The following RNF24 variants were observed in gnomAD, a reference collection of about 807,000 sequenced individuals.
RNF24 encodes the protein ring finger protein 24.
A neutral mutation model predicts 20.0 loss-of-function variants in RNF24; 14 were observed. The observed-to-expected ratio is 0.70, with a 90% CI of 0.46 to 1.10. The LOEUF (loss-of-function observed/expected upper bound fraction) is 1.10, where lower values mean the gene tolerates loss of function less well. Among genes scored for constraint, RNF24 ranks in the 50% least tolerant of loss-of-function variants. The pLI, the probability that RNF24 is intolerant of heterozygous loss-of-function variation, is 0.00. For synonymous variants in RNF24, 45 were observed against 61.1 expected (o/e 0.74, Z 1.23); for missense variants, 124 against 177.6 (o/e 0.70, Z 1.71).
chr20:3,984,353 A>C (rs1979699586), intron 1 of RNF24, among the ~76,000 whole-genome samples: 1 of 152,132 alleles, frequency 6.6e-6, no homozygotes, highest in South Asian at 2.1e-4. Flanking sequence ...CCCAGGACCT[A>C]GTCATCCCTG....
At chr20:3,970,440 T>C (rs1178963282) in intron 1 of RNF24, among the ~76,000 whole-genome samples, 6 of 152,096 alleles carry the variant, frequency 3.9e-5, no homozygotes, top group African/African-American at 1.4e-4. Flanking sequence ...CAACTAAAAA[T>C]TACTCATCGT....
chr20:3,983,598 T>C (rs911050973), intron 1 of RNF24, among the ~76,000 whole-genome samples: 3 of 152,106 alleles, frequency 2.0e-5, no homozygotes, highest in Non-Finnish European at 4.4e-5. Flanking sequence ...CTAAACACAG[T>C]GACTTTCTGT....
At chr20:3,988,359 A>G (rs1383059938) in intron 1 of RNF24, among the ~76,000 whole-genome samples, 1 of 152,020 alleles carries the variant, frequency 6.6e-6, no homozygotes, top group African/African-American at 2.4e-5. Flanking sequence ...AATAAAAAAA[A>G]TTGGTGTGTC....
At chr20:4,011,415 A>G (rs1258973705) in intron 1 of RNF24, among the ~76,000 whole-genome samples, 1 of 152,220 alleles carries the variant, frequency 6.6e-6, no homozygotes, top group Non-Finnish European at 1.5e-5. Flanking sequence ...AAGACCTAAC[A>G]CAGGAGGAAG....
At chr20:3,970,843 C>T (rs1978322763) in intron 1 of RNF24, among the ~76,000 whole-genome samples, 2 of 151,950 alleles carry the variant, frequency 1.3e-5, no homozygotes, top group Non-Finnish European at 2.9e-5. Context: ...GTCAGGAGTT[C>T]GAGACAAGCC....
intron 1 of RNF24, among the ~76,000 whole-genome samples, chr20:3,969,478 G>A (rs1423778397): frequency 6.6e-6 from 1 of 150,712 alleles, no homozygotes; most frequent in Non-Finnish European, 1.5e-5. Flanking sequence ...TGGCAAAGTT[G>A]GCAAACAAGA....
At chr20:3,977,969 T>C (rs6139258) in intron 1 of RNF24, among the ~76,000 whole-genome samples, 5,324 of 150,866 alleles carry the variant, frequency 0.035, 251 homozygotes, top group East Asian at 0.24. Context: ...CGTACAAAAA[T>C]ACAGTTAGAC....
chr20:3,998,093 A>G (rs1427104830), intron 1 of RNF24, among the ~76,000 whole-genome samples: 1 of 152,236 alleles, frequency 6.6e-6, no homozygotes, highest in Non-Finnish European at 1.5e-5. Flanking sequence ...ATATGCAATA[A>G]TTGGTTATCC....
chr20:3,936,948 T>C (rs1232528035), intron 4 of RNF24, among the ~76,000 whole-genome samples: 1 of 152,174 alleles, frequency 6.6e-6, no homozygotes, highest in East Asian at 1.9e-4. Context: ...GTGAGTCTCC[T>C]GCCTCAGACT....
At chr20:3,986,796 G>A (rs1568653089) in intron 1 of RNF24, among the ~76,000 whole-genome samples, 1 of 151,880 alleles carries the variant, frequency 6.6e-6, no homozygotes, top group East Asian at 1.9e-4. Flanking sequence ...CTACAGGCAC[G>A]TGCCACCATG....
chr20:4,009,028 C>T (rs1429126344), intron 1 of RNF24, among the ~76,000 whole-genome samples: 1 of 152,184 alleles, frequency 6.6e-6, no homozygotes, highest in African/African-American at 2.4e-5. Flanking sequence ...TTTACCAGGT[C>T]AGTTGTGCCT....
At chr20:3,965,703 C>G (rs1318607833) in intron 1 of RNF24, among the ~76,000 whole-genome samples, 3 of 152,170 alleles carry the variant, frequency 2.0e-5, no homozygotes, top group African/African-American at 7.2e-5. Context: ...AAACTCAGCT[C>G]TTAACTTTCA....
chr20:3,985,266 T>C (rs904531269), intron 1 of RNF24, among the ~76,000 whole-genome samples: 2 of 152,214 alleles, frequency 1.3e-5, no homozygotes, highest in Non-Finnish European at 2.9e-5. Flanking sequence ...GATGTATATA[T>C]TTGTTTGAGA....
At chr20:3,978,072 A>ATT (rs34517135) in intron 1 of RNF24, among the ~76,000 whole-genome samples, 26 of 144,518 alleles carry the variant, frequency 1.8e-4, no homozygotes, top group Non-Finnish European at 2.4e-4. Flanking sequence ...AAGAAAACTA[A>ATT]TTTTTTTTTT....
intron 1 of RNF24, among the ~76,000 whole-genome samples, chr20:4,006,358 GTC>G (rs201526191): frequency 0.018 from 2,468 of 140,366 alleles, 37 homozygotes; most frequent in Middle Eastern, 0.036. Context: ...GACAGAGCAA[GTC>G]TCTGTCTCAA....
intron 1 of RNF24, among the ~76,000 whole-genome samples, chr20:3,978,139 G>A (rs969686591): frequency 2.7e-5 from 4 of 149,690 alleles, no homozygotes; most frequent in Non-Finnish European, 4.4e-5. Context: ...GCGTGATCTC[G>A]GCTCACTGCA....
intron 1 of RNF24, among the ~76,000 whole-genome samples, chr20:3,971,646 A>G (rs924419312): frequency 2.6e-5 from 4 of 152,220 alleles, no homozygotes; most frequent in African/African-American, 9.6e-5. Flanking sequence ...CTGGTAAAGT[A>G]TACTAGTAGA....
intron 2 of RNF24, among the ~76,000 whole-genome samples, chr20:3,956,171 G>C (rs2091140183): frequency 6.6e-6 from 1 of 151,562 alleles, no homozygotes; most frequent in African/African-American, 2.4e-5. Context: ...ATGCTGAACA[G>C]TAGTGGTAAA....
chr20:3,932,155 TAGTG>T lies in RNF24; in HGVS notation c.*1904_*1907del, dbSNP rs375451191. 188 of 152,310 alleles carry T rather than the reference TAGTG, an allele frequency of 1.2e-3. No individual in the cohort carries two copies. Among genetic ancestry groups the T allele is most frequent in the African/African-American group, 4.2e-3 (175 of 41,558 alleles). 9.4% of individuals were successfully genotyped at this position (152,310 alleles called of 1,614,324 possible). Reference sequence around the variant, plus strand: ...ATGGAAAATGGTGGCTGCTGGCAATTAGTGAGGCTAGTCCAGAAGCAAGCCTCCT... The same window carrying T: ...ATGGAAAATGGTGGCTGCTGGCAATTAGGCTAGTCCAGAAGCAAGCCTCCT... On this transcript the variant is annotated 3_prime_UTR_variant, in exon 6 of 6. Coordinates refer to ENST00000358395, the MANE Select transcript of RNF24 (RefSeq NM_001134337.3).
Sources: allele counts gnomAD v4.1 joint callset (sites outside exome capture counted in the v4.1 genomes callset), GRCh38; gene constraint gnomAD v4.1.1; transcripts MANE v1.5; gene names NCBI Gene and HGNC (gene_info 2026-07-23, HGNC 2026-07-21).